Variants in PDE8B observed in about 807,000 individuals in gnomAD.
The protein encoded by PDE8B is phosphodiesterase 8B.
PDE8B carries 26 observed loss-of-function variants against 101.3 expected under a neutral mutation model. The observed-to-expected ratio is 0.26, with a 90% CI of 0.19 to 0.36. The LOEUF (loss-of-function observed/expected upper bound fraction) is 0.36. Among genes scored for constraint, PDE8B ranks in the 10% least tolerant of loss-of-function variants. The probability of loss-of-function intolerance (pLI) is 1.00; values close to 1 mark genes in which losing one functional copy is unlikely to be tolerated. For missense variants in PDE8B, 810 were observed against 1,163.1 expected, an observed-to-expected ratio of 0.70 and a Z score of 4.42; for synonymous variants, 424 against 429.3, an observed-to-expected ratio of 0.99 and a Z score of 0.15.
At chr5:77,282,323 A>T (rs1460475340) in intron 1 of PDE8B, among the ~76,000 whole-genome samples, 1 of 151,952 alleles carries the variant, frequency 6.6e-6, no homozygotes, top group African/African-American at 2.4e-5. Context: ...TCCCAGCAGG[A>T]TAAGTGCAGC....
the PDE8B span, among the ~76,000 whole-genome samples, chr5:77,167,970 G>A: frequency 6.6e-6 from 1 of 152,124 alleles, no homozygotes; most frequent in Non-Finnish European, 1.5e-5. Flanking sequence ...TGATGAGGAA[G>A]TGAAGTGGAA....
At chr5:77,097,697 A>C in the PDE8B span, among the ~76,000 whole-genome samples, 90 of 23,338 alleles carry the variant, frequency 3.9e-3, 1 homozygote, top group African/African-American at 0.011. Flanking sequence ...ATATATCTAT[A>C]TATATATATC....
intron 10 of PDE8B, among the ~76,000 whole-genome samples, chr5:77,379,883 G>C (rs1333387041): frequency 2.0e-5 from 3 of 152,116 alleles, no homozygotes; most frequent in Non-Finnish European, 2.9e-5. Flanking sequence ...TGAAGGGAGG[G>C]TCTCAAATGA....
chr5:77,215,813 T>G (rs1749561298), intron 1 of PDE8B, among the ~76,000 whole-genome samples: 2 of 152,136 alleles, frequency 1.3e-5, no homozygotes, highest in Non-Finnish European at 2.9e-5. Context: ...GTCCAGAGTT[T>G]GTTCAACCAG....
chr5:77,236,603 A>G (rs1344793950), intron 1 of PDE8B, among the ~76,000 whole-genome samples: 1 of 152,244 alleles, frequency 6.6e-6, no homozygotes, highest in African/African-American at 2.4e-5. Context: ...CACTGGATTT[A>G]GCAACATGGA....
intron 10 of PDE8B, among the ~76,000 whole-genome samples, chr5:77,370,085 T>C (rs1217991185): frequency 6.6e-6 from 1 of 152,228 alleles, no homozygotes; most frequent in Non-Finnish European, 1.5e-5. Context: ...AAAATAAATT[T>C]CATCTATTAG....
the PDE8B span, among the ~76,000 whole-genome samples, chr5:77,157,652 A>G: frequency 3.3e-5 from 5 of 152,212 alleles, no homozygotes; most frequent in African/African-American, 1.2e-4. Flanking sequence ...AAAATATCTT[A>G]TTTTCCTGGC....
At chr5:77,288,280 A>G (rs1358972777) in intron 1 of PDE8B, among the ~76,000 whole-genome samples, 1 of 151,860 alleles carries the variant, frequency 6.6e-6, no homozygotes, top group East Asian at 1.9e-4. Flanking sequence ...TTATCCTTCC[A>G]TTTCTGTGTG....
intron 3 of PDE8B, 21 bp from the exon 4 acceptor site, chr5:77,328,977 C>T (rs1228415474): frequency 1.2e-6 from 2 of 1,608,750 alleles, no homozygotes; most frequent in South Asian, 1.1e-5. Flanking sequence ...CCTTGTTTGA[C>T]TTGGAGCCTT....
the PDE8B span, chr5:77,118,645 G>A: frequency 2.7e-6 from 1 of 364,646 alleles, no homozygotes; most frequent in African/African-American, 2.1e-5. Flanking sequence ...ACAATAGGGA[G>A]TTAAATGACA....
rs1489284609 is a variant in PDE8B, at chr5:77,261,576, C to A, written c.339+50312C>A. ...AGCAACCAGACTGTCAGTCTTCTCC[C>A]CACATCAGAAGGTATCTATCCATCT... On this transcript the variant is annotated intron_variant, in intron 1 of 21. Transcript: ENST00000264917. 2.6e-5 allele frequency among the ~76,000 whole-genome samples: 4 copies of A among 152,332 alleles called. No individual in the cohort carries two copies. The South Asian group carries it at 8.3e-4, about 32-fold the overall frequency.
At position 77,378,422 on chromosome 5, in the gene PDE8B, G is replaced by A. The variant is rs190131629; in HGVS notation, c.1168-21826G>A. On this transcript the variant is annotated intron_variant, in intron 10 of 21. Coordinates refer to ENST00000264917, the MANE Select transcript of PDE8B (RefSeq NM_003719.5). ...TGCAGTGAACTGAGATCGCGCCACC[G>A]CACTCCAGCCTGGCGACAGAGCAAG... Among the ~76,000 whole-genome samples, 313 of 121,504 alleles carry A rather than the reference G, an allele frequency of 2.6e-3. 1 individual carries two copies. The highest frequency in any genetic ancestry group is 8.7e-3 in the African/African-American group (280 of 32,202). 79.7% of individuals were successfully genotyped at this position (121,504 alleles called of 152,430 possible). A position where few individuals can be genotyped will look rare whatever the true frequency, so the allele number is the denominator to read the frequency against.
chr5:77,361,570 A>G (rs1398210443), intron 10 of PDE8B, among the ~76,000 whole-genome samples: 2 of 149,170 alleles, frequency 1.3e-5, no homozygotes, highest in African/African-American at 5.0e-5. Flanking sequence ...GCTAGAGTGC[A>G]GTGGCGCGAT....
intron 2 of PDE8B, among the ~76,000 whole-genome samples, chr5:77,322,094 C>T (rs145521477): frequency 3.0e-4 from 45 of 152,120 alleles, no homozygotes; most frequent in African/African-American, 9.6e-4. Flanking sequence ...CTAGGCTAGT[C>T]GGATTAATTT....
the PDE8B span, among the ~76,000 whole-genome samples, chr5:77,120,749 A>C: frequency 1.3e-5 from 2 of 152,258 alleles, no homozygotes; most frequent in African/African-American, 2.4e-5. Flanking sequence ...ACTGTTGTAC[A>C]AGCCTGTCAG....
intron 2 of PDE8B, among the ~76,000 whole-genome samples, chr5:77,313,721 G>A (rs1773185836): frequency 6.6e-6 from 1 of 152,292 alleles, no homozygotes; most frequent in East Asian, 1.9e-4. Flanking sequence ...TTAATGATAT[G>A]TCTTATTTGT....
chr5:77,339,994 G>T (rs1778915213), intron 6 of PDE8B, among the ~76,000 whole-genome samples: 2 of 152,150 alleles, frequency 1.3e-5, no homozygotes, highest in South Asian at 4.2e-4. Context: ...TTATGAAATG[G>T]AGAGCGTCTA....
chr5:77,363,489 G>A (rs972298591), intron 10 of PDE8B, among the ~76,000 whole-genome samples: 7 of 151,986 alleles, frequency 4.6e-5, no homozygotes, highest in African/African-American at 1.2e-4. Context: ...CGAGGTGGGC[G>A]GATCACGAGG....
chr5:77,305,273 T>G (rs1421011379), intron 1 of PDE8B, among the ~76,000 whole-genome samples: 1 of 152,112 alleles, frequency 6.6e-6, no homozygotes, highest in Non-Finnish European at 1.5e-5. Context: ...GAAGCCCAGG[T>G]TGAGAACTTC....
Sources: allele counts gnomAD v4.1 joint callset (sites outside exome capture counted in the v4.1 genomes callset), GRCh38; gene constraint gnomAD v4.1.1; transcripts MANE v1.5; gene names NCBI Gene and HGNC (gene_info 2026-07-23, HGNC 2026-07-21).